Variants in TDRD9 observed in about 807,000 individuals in gnomAD.
TDRD9 encodes the protein tudor domain containing 9.
A neutral mutation model predicts 172.6 loss-of-function variants in TDRD9; 124 were observed. That is an observed-to-expected ratio of 0.72 (90% confidence interval 0.62 to 0.83). The LOEUF is 0.83. Among genes scored for constraint, TDRD9 ranks in the 40% least tolerant of loss-of-function variants. TDRD9 has a pLI of 0.00. For missense variants in TDRD9, 1,479 were observed against 1,714.1 expected, an observed-to-expected ratio of 0.86 and a Z score of 2.42; for synonymous variants, 619 against 617.1, an observed-to-expected ratio of 1.00 and a Z score of -0.05.
chr14:103,963,201 A>G lies in TDRD9; in HGVS notation c.420+25A>G, dbSNP rs1037754503. Reference sequence around the variant, plus strand: ...GGTAAAATTGTTTTGTTATACTGTAATTTTGCTGTTTGAATACATGTCTGA... The same window carrying G: ...GGTAAAATTGTTTTGTTATACTGTAGTTTTGCTGTTTGAATACATGTCTGA... On this transcript the variant is annotated intron_variant, in intron 3 of 35. Transcript: ENST00000409874. The G allele has an allele frequency of 6.0e-6, 9 of 1,496,134 alleles. No homozygotes were observed. The African/African-American group carries it at 1.3e-4, about 21-fold the overall frequency. The allele number at this position is 1,496,134 out of a possible 1,614,324, so 92.7% of individuals were successfully genotyped here.
intron 12 of TDRD9, among the ~76,000 whole-genome samples, chr14:103,996,296 G>A (rs2034056647): frequency 6.6e-6 from 1 of 152,204 alleles, no homozygotes; most frequent in Non-Finnish European, 1.5e-5. Context: ...TAACACATGT[G>A]TCGGGCACTG....
intron 13 of TDRD9, among the ~76,000 whole-genome samples, chr14:104,000,847 A>AT (rs1855460001): frequency 6.6e-6 from 1 of 152,108 alleles, no homozygotes; most frequent in African/African-American, 2.4e-5. Context: ...GTTAAAAGTG[A>AT]TTATCTTTGG....
intron 8 of TDRD9, 34 bp downstream of exon 8, chr14:103,986,354 T>C (rs753855503): frequency 5.6e-6 from 8 of 1,431,698 alleles, no homozygotes; most frequent in Non-Finnish European, 9.6e-7. Context: ...TGCACTTTAA[T>C]GTATATGTGA....
intron 9 of TDRD9, among the ~76,000 whole-genome samples, chr14:103,994,086 G>C (rs917332490): frequency 6.6e-6 from 1 of 152,204 alleles, no homozygotes; most frequent in African/African-American, 2.4e-5. Flanking sequence ...AACACCCACA[G>C]GGAGTCACTG....
At chr14:104,000,025 C>T (rs1377498693) in intron 13 of TDRD9, among the ~76,000 whole-genome samples, 1 of 152,032 alleles carries the variant, frequency 6.6e-6, no homozygotes, top group Non-Finnish European at 1.5e-5. Flanking sequence ...GACTAAGCAG[C>T]TGTTAAAATA....
At chr14:103,961,620 G>A (rs535412896) in intron 2 of TDRD9, among the ~76,000 whole-genome samples, 1 of 150,558 alleles carries the variant, frequency 6.6e-6, no homozygotes, top group African/African-American at 2.4e-5. Flanking sequence ...CGGCAGGACA[G>A]CTTTCCTGAG....
chr14:103,951,110 A>G (rs1327850895), intron 1 of TDRD9, among the ~76,000 whole-genome samples: 1 of 152,176 alleles, frequency 6.6e-6, no homozygotes, highest in Non-Finnish European at 1.5e-5. Flanking sequence ...TTTATTCCCA[A>G]ATAAAGATCT....
At chr14:104,037,883 A>G (rs2035497804) in intron 32 of TDRD9, among the ~76,000 whole-genome samples, 1 of 152,162 alleles carries the variant, frequency 6.6e-6, no homozygotes, top group South Asian at 2.1e-4. Flanking sequence ...TTTTCCCTGA[A>G]CAGTTGGAGT....
intron 20 of TDRD9, among the ~76,000 whole-genome samples, chr14:104,009,894 T>A (rs1312428629): frequency 1.3e-5 from 2 of 151,988 alleles, no homozygotes; most frequent in African/African-American, 2.4e-5. Context: ...GCCTCTGCAG[T>A]AGCTGGAACT....
chr14:103,976,977 C>G (rs2033271675), intron 7 of TDRD9, among the ~76,000 whole-genome samples: 1 of 152,194 alleles, frequency 6.6e-6, no homozygotes, highest in Non-Finnish European at 1.5e-5. Context: ...CTGCCTCAGC[C>G]TCCCAAAGTG....
In TDRD9 at chr14:103,991,222, C is replaced by T. The variant is rs760223183; in HGVS notation, c.1178C>T (p.Pro393Leu). 1 of 1,613,882 alleles carries T rather than the reference C, an allele frequency of 6.2e-7. No homozygotes were observed. The highest frequency in any genetic ancestry group is 1.3e-5 in the African/African-American group (1 of 75,012). The change falls in exon 9 of 36, where the codon CCA becomes CTA. Residue 393 changes from proline to leucine, a missense_variant and splice_region_variant. Pro to Leu is a moderately conservative substitution (Grantham distance 98). Coordinates refer to ENST00000409874, the MANE Select transcript of TDRD9 (RefSeq NM_153046.3). Reference protein sequence around the residue: ...LERSSVLVFLPGLGEINYMHE... With the variant: ...LERSSVLVFLLGLGEINYMHE... ...CGAAGCAGTGTGTTGGTGTTTTTGCCAGGTAAGAACATCATAATTTTGTGA... is the reference window on the plus strand; with the variant it reads ...CGAAGCAGTGTGTTGGTGTTTTTGCTAGGTAAGAACATCATAATTTTGTGA...
chr14:104,034,982 A>G lies in TDRD9; in HGVS notation c.3642A>G (p.Glu1214=), dbSNP rs1052568729. 1 of 1,551,562 alleles carries G rather than the reference A, an allele frequency of 6.4e-7. No homozygotes were observed. The highest frequency in any genetic ancestry group is 8.7e-7 in the Non-Finnish European group (1 of 1,146,950). Residue 1214 remains glutamate, a synonymous_variant, in exon 32 of 36, where the codon GAA becomes GAG. Coordinates refer to ENST00000409874, the MANE Select transcript of TDRD9 (RefSeq NM_153046.3). The stretch of plus-strand genomic sequence containing the variant: ...CAGGATCTACGATGCTGCTGAGAGA[A>G]ACCTCTCTGATGCCTCATATCCCTG... ...NATGSTMLLR[E]TSLMPHIPGL... is the part of the protein sequence containing the mutation.
intron 7 of TDRD9, among the ~76,000 whole-genome samples, chr14:103,979,502 T>C (rs2033386859): frequency 6.6e-6 from 1 of 152,164 alleles, no homozygotes; most frequent in South Asian, 2.1e-4. Context: ...TGTGCCAGGC[T>C]TTTTGTAACA....
chr14:104,036,589 T>C (rs2035456669), intron 32 of TDRD9, among the ~76,000 whole-genome samples: 1 of 152,222 alleles, frequency 6.6e-6, no homozygotes, highest in African/African-American at 2.4e-5. Flanking sequence ...GCTTCACCTC[T>C]TTTAAACACC....
intron 4 of TDRD9, among the ~76,000 whole-genome samples, chr14:103,966,330 C>T (rs994478818): frequency 1.3e-5 from 2 of 151,676 alleles, no homozygotes; most frequent in East Asian, 1.9e-4. Context: ...GACTCTGTTT[C>T]GAAAAGAAAA....
At chr14:104,015,419 G>A (rs1007763945) in intron 21 of TDRD9, among the ~76,000 whole-genome samples, 9 of 152,190 alleles carry the variant, frequency 5.9e-5, no homozygotes, top group Non-Finnish European at 1.2e-4. Context: ...GGAAATGTGC[G>A]AGTGTTTTCC....
Position 103,970,542 on chromosome 14 carries a change from TAC to T in TDRD9, c.770_771del (p.His257ArgfsTer36). 1 of 1,551,440 alleles carries T rather than the reference TAC, an allele frequency of 6.4e-7. No homozygotes were observed. The highest frequency in any genetic ancestry group is 8.7e-7 in the Non-Finnish European group (1 of 1,146,726). On this transcript the variant is annotated frameshift_variant and splice_region_variant, in exon 6 of 36. Transcript: ENST00000409874. LOFTEE classifies it high-confidence loss of function. ...GGTGCCCCCTTTTTTATTTTGTAGG[TAC>T]ACGAACGAACAGAAGAAATGGATTT...
Position 104,031,216 on chromosome 14 carries a change from T to G in TDRD9, c.3391T>G (p.Leu1131Val). 6.4e-7 allele frequency: 1 copy of G among 1,551,934 alleles called. No homozygotes were observed. The highest frequency in any genetic ancestry group is 8.7e-7 in the Non-Finnish European group (1 of 1,147,016). The change falls in exon 29 of 36, where the codon TTG becomes GTG. Residue 1131 changes from leucine (L) to valine (V), a missense_variant. Transcript: ENST00000409874. ...CGACGAGAAATATCTCATCCGGATT[T>G]TGTTAGAGAGCTTTTCTACCAATAA... ...KDDEKYLIRI[L>V]LESFSTNKLG...
Position 104,005,394 on chromosome 14 carries a change from C to T in TDRD9, c.1702C>T (p.Leu568=). ...GLSDIERTIL[L]LKEVGALAVS... is the part of the protein sequence containing the mutation. ...GAGTGACATTGAGCGCACCATCCTT[C>T]TACTAAAGGAGGTAGGACTGCCTGC... The change falls in exon 15 of 36, where the codon CTA becomes TTA. Residue 568 remains leucine (L), a synonymous_variant. Transcript: ENST00000409874. 1 of 1,613,958 alleles carries T rather than the reference C, an allele frequency of 6.2e-7. No individual in the cohort carries two copies. Among genetic ancestry groups the T allele is most frequent in the Non-Finnish European group, 8.5e-7 (1 of 1,179,882 alleles).
Sources: allele counts gnomAD v4.1 joint callset (sites outside exome capture counted in the v4.1 genomes callset), GRCh38; gene constraint gnomAD v4.1.1; transcripts MANE v1.5; gene names NCBI Gene and HGNC (gene_info 2026-07-23, HGNC 2026-07-21).